Variants in ATG13 observed in about 807,000 individuals in gnomAD.
ATG13 encodes the protein autophagy related 13, also known as autophagy-related protein 13.
In ATG13, 23 loss-of-function variants were observed where a neutral mutation model predicts 65.5. The observed-to-expected ratio is 0.35, with a 90% CI of 0.25 to 0.50. ATG13 has a LOEUF of 0.50. Ranked by LOEUF, ATG13 falls within the 20% of genes least tolerant of loss-of-function variation. The probability of loss-of-function intolerance (pLI) is 0.98; values close to 1 mark genes in which losing one functional copy is unlikely to be tolerated. For synonymous variants in ATG13, 252 were observed against 245.2 expected (o/e 1.03, Z -0.26); for missense variants, 566 against 677.0 (o/e 0.84, Z 1.82).
At chr11:46,623,391 A>G (rs1257416662) in intron 1 of ATG13, among the ~76,000 whole-genome samples, 1 of 152,110 alleles carries the variant, frequency 6.6e-6, no homozygotes, top group African/African-American at 2.4e-5. Context: ...CCACTCTATT[A>G]TGGACCATAT....
At chr11:46,633,023 TA>T (rs1254130397) in intron 2 of ATG13, among the ~76,000 whole-genome samples, 8 of 102,414 alleles carry the variant, frequency 7.8e-5, no homozygotes, top group African/African-American at 3.2e-4. Flanking sequence ...TATATATATA[TA>T]TATTTTTTTT....
chr11:46,658,213 C>T (rs577975586), intron 10 of ATG13, among the ~76,000 whole-genome samples: 1 of 152,272 alleles, frequency 6.6e-6, no homozygotes, highest in East Asian at 1.9e-4. Context: ...TAAAATGTCT[C>T]CAGGTCTAGA....
intron 9 of ATG13, 48 bp from the exon 10 acceptor site, chr11:46,657,476 C>A: frequency 6.4e-7 from 1 of 1,565,032 alleles, no homozygotes; most frequent in Admixed American, 1.7e-5. Flanking sequence ...TTTGTGGGGG[C>A]TGGAAAGGCA....
chr11:46,653,594 G>C (rs1163539618), intron 7 of ATG13, among the ~76,000 whole-genome samples: 1 of 150,580 alleles, frequency 6.6e-6, no homozygotes, highest in Non-Finnish European at 1.5e-5. Flanking sequence ...TTTTGAGACG[G>C]AGTCTCGCTG....
chr11:46,651,917 C>T (rs1372098257), intron 7 of ATG13, among the ~76,000 whole-genome samples: 1 of 152,066 alleles, frequency 6.6e-6, no homozygotes, highest in African/African-American at 2.4e-5. Flanking sequence ...CTTTTCATAC[C>T]AGTGTTTAAA....
intron 2 of ATG13, among the ~76,000 whole-genome samples, chr11:46,637,358 T>A (rs1264770695): frequency 1.3e-5 from 2 of 152,360 alleles, no homozygotes; most frequent in East Asian, 3.9e-4. Context: ...ATCTTCATGA[T>A]TTGCAGATCA....
chr11:46,663,759 A>T (rs937099908), intron 11 of ATG13, among the ~76,000 whole-genome samples: 2 of 152,128 alleles, frequency 1.3e-5, no homozygotes, highest in Non-Finnish European at 2.9e-5. Flanking sequence ...CTAACTGCTT[A>T]TCAGGGACAC....
chr11:46,645,666 G>A (rs559285412), intron 4 of ATG13, among the ~76,000 whole-genome samples: 1 of 152,292 alleles, frequency 6.6e-6, no homozygotes, highest in Admixed American at 6.5e-5. Context: ...TTGTGTCTTA[G>A]CTAATTTTTG....
intron 2 of ATG13, among the ~76,000 whole-genome samples, chr11:46,635,332 C>T (rs1170343940): frequency 6.6e-6 from 1 of 151,966 alleles, no homozygotes; most frequent in Non-Finnish European, 1.5e-5. Context: ...TTAATTAAGA[C>T]ATAATAATTG....
intron 2 of ATG13, among the ~76,000 whole-genome samples, chr11:46,641,719 A>G (rs754298865): frequency 4.0e-5 from 6 of 150,650 alleles, no homozygotes; most frequent in Admixed American, 6.6e-5. Context: ...TGACCTGTAC[A>G]CCCAAGATTT....
intron 9 of ATG13, 33 bp downstream of exon 9, chr11:46,657,224 T>C (rs1462974534): frequency 8.9e-6 from 14 of 1,578,686 alleles, no homozygotes; most frequent in Non-Finnish European, 1.2e-5. Flanking sequence ...AAAAGAACTC[T>C]TCCGAAAATG....
At position 46,654,281 on chromosome 11, in the gene ATG13, TTTTATATA is replaced by T. The variant is rs1330447076; in HGVS notation, c.459-1950_459-1943del. On this transcript the variant is annotated intron_variant, in intron 7 of 18. Transcript: ENST00000683050. ...GACCTCATCACTACTATTTTTAAAATTTTATATATATATATATATATATATATATGTAA... is the reference window on the plus strand; with the variant it reads ...GACCTCATCACTACTATTTTTAAAATTATATATATATATATATATATGTAA... Among the ~76,000 whole-genome samples the T allele has an allele frequency of 2.4e-4, 20 of 81,922 alleles. 1 individual carries two copies. Among genetic ancestry groups the T allele is most frequent in the African/African-American group, 8.4e-4 (14 of 16,760 alleles). The allele number at this position is 81,922 out of a possible 152,430, so 53.7% of individuals were successfully genotyped here. A position where few individuals can be genotyped will look rare whatever the true frequency, so the allele number is the denominator to read the frequency against.
intron 7 of ATG13, 123 bp from the exon 8 acceptor site, chr11:46,656,110 G>A (rs751401484): frequency 3.9e-6 from 3 of 771,416 alleles, no homozygotes; most frequent in Non-Finnish European, 4.3e-6. Context: ...TGCTCCATCA[G>A]CAGAGGTATT....
intron 10 of ATG13, 166 bp from the exon 11 acceptor site, chr11:46,659,226 T>C (rs531244341): frequency 3.5e-6 from 2 of 571,282 alleles, no homozygotes; most frequent in Non-Finnish European, 6.2e-6. Flanking sequence ...TGCCACTCTC[T>C]GGAATGTTTG....
intron 2 of ATG13, chr11:46,638,507 C>T (rs2054761662): frequency 6.6e-6 from 1 of 152,122 alleles, no homozygotes; most frequent in African/African-American, 2.4e-5. Flanking sequence ...AGTCATTCTG[C>T]TATGATATAG....
intron 5 of ATG13, chr11:46,648,764 GA>G (rs2058268505): frequency 1.3e-5 from 2 of 149,276 alleles, no homozygotes; most frequent in Admixed American, 1.4e-4. Flanking sequence ...GCGACAGAGT[GA>G]GACTCTGTCT....
At position 46,665,797 on chromosome 11, in the gene ATG13, CT is replaced by C. The variant is rs1159523560; in HGVS notation, c.1136+302del. On this transcript the variant is annotated intron_variant, in intron 14 of 18. Coordinates refer to ENST00000683050, the MANE Select transcript of ATG13 (RefSeq NM_001346311.2). ...TGTCTCTCAAAAAAATTTATTTTTC[CT>C]TTTTTTTTTTTTTTTTTTTTTTTGG... is the stretch of plus-strand genomic sequence containing the variant. 3.9e-3 allele frequency among the ~76,000 whole-genome samples: 343 copies of C among 87,770 alleles called. 1 individual carries two copies. Among genetic ancestry groups the C allele is most frequent in the African/African-American group, 0.012 (235 of 20,236 alleles). The allele number at this position is 87,770 out of a possible 152,430, so 57.6% of individuals were successfully genotyped here.
At chr11:46,660,210 C>G (rs2060857058) in intron 11 of ATG13, among the ~76,000 whole-genome samples, 1 of 152,144 alleles carries the variant, frequency 6.6e-6, no homozygotes, top group Admixed American at 6.5e-5. Context: ...GATTCCTCTT[C>G]TGCCTGCATT....
intron 1 of ATG13, among the ~76,000 whole-genome samples, chr11:46,620,613 C>G (rs1429691034): frequency 1.3e-5 from 2 of 151,154 alleles, no homozygotes; most frequent in African/African-American, 4.9e-5. Context: ...CTGTCTCTAC[C>G]AAAAATACAA....
Sources: gnomAD v4.1 joint callset for allele counts (sites outside exome capture counted in the v4.1 genomes callset) on GRCh38, gnomAD v4.1.1 for gene constraint, MANE v1.5 for transcripts, NCBI Gene and HGNC (gene_info 2026-07-23, HGNC 2026-07-21) for gene names.